The following FKBP9 variants were observed in gnomAD, a reference collection of about 807,000 sequenced individuals.
FKBP9 encodes FKBP prolyl isomerase 9, also known as peptidyl-prolyl cis-trans isomerase FKBP9.
A neutral mutation model predicts 55.6 loss-of-function variants in FKBP9; 27 were observed. The ratio of observed to expected loss-of-function variants is 0.49; its 90% CI spans 0.36 to 0.67. The LOEUF (loss-of-function observed/expected upper bound fraction) is 0.67. FKBP9 is among the 30% of genes least tolerant of loss of function. FKBP9 has a pLI of 0.00. For synonymous variants in FKBP9, 267 were observed against 296.5 expected, an observed-to-expected ratio of 0.90 and a Z score of 1.02; for missense variants, 539 against 742.8, an observed-to-expected ratio of 0.73 and a Z score of 3.19.
intron 1 of FKBP9, among the ~76,000 whole-genome samples, chr7:32,960,108 CTTTTTTTTTTT>C (rs398004304): frequency 1.0e-5 from 1 of 98,630 alleles, no homozygotes; most frequent in Non-Finnish European, 1.9e-5. Flanking sequence ...TTGTACTTGT[CTTTTTTTTTTT>C]TTTTTTTTTT....
chr7:33,001,859 T>A (rs1199470416), intron 8 of FKBP9: 1 of 152,200 alleles, frequency 6.6e-6, no homozygotes, highest in Non-Finnish European at 1.5e-5. Context: ...CAAACTTTTT[T>A]CCACAAGACA....
chr7:32,972,804 C>T (rs1000963391), intron 1 of FKBP9, among the ~76,000 whole-genome samples: 1 of 152,178 alleles, frequency 6.6e-6, no homozygotes, highest in African/African-American at 2.4e-5. Context: ...CTCACTGCAA[C>T]CTTCACCTCC....
intron 5 of FKBP9, 79 bp from the exon 6 acceptor site, chr7:32,988,428 A>G: frequency 1.4e-6 from 2 of 1,443,016 alleles, no homozygotes; most frequent in Non-Finnish European, 1.9e-6. Context: ...GTGCCTTTGC[A>G]TCTCTTTCCC....
chr7:32,959,978 G>A (rs1473920437), intron 1 of FKBP9, among the ~76,000 whole-genome samples: 1 of 151,974 alleles, frequency 6.6e-6, no homozygotes, highest in Non-Finnish European at 1.5e-5. Flanking sequence ...GCGTCCTATG[G>A]CACCTATGTT....
chr7:33,000,026 A>G, intron 7 of FKBP9, 89 bp from the exon 8 acceptor site: 2 of 1,509,906 alleles, frequency 1.3e-6, no homozygotes, highest in Non-Finnish European at 9.2e-7. Context: ...TGGTAGAAAT[A>G]TCCTAGAAGT....
Position 32,988,467 on chromosome 7 carries a change from C to T in FKBP9, c.894-40C>T, listed in dbSNP as rs747814112. On this transcript the variant is annotated intron_variant, in intron 5 of 9. Transcript: ENST00000242209. ...TAATTTGCACAGCTGCTGTGGAGGC[C>T]CTCATGAATGACCTCTTTCTTTCCT... 19 of 1,610,436 alleles carry T rather than the reference C, an allele frequency of 1.2e-5. No homozygotes were observed. In the East Asian group the frequency reaches 3.3e-4, roughly 28 times the overall value.
chr7:32,965,438 GT>G (rs1784114274), intron 1 of FKBP9, among the ~76,000 whole-genome samples: 1 of 151,988 alleles, frequency 6.6e-6, no homozygotes, highest in Non-Finnish European at 1.5e-5. Context: ...CCTGTCATTT[GT>G]CCTTTTAAAA....
Position 32,974,725 on chromosome 7 carries a change from G to A in FKBP9, c.330G>A (p.Lys110=). 3 of 1,613,936 alleles carry A rather than the reference G, an allele frequency of 1.9e-6. No individual in the cohort carries two copies. The highest frequency in any genetic ancestry group is 2.5e-6 in the Non-Finnish European group (3 of 1,179,846). The part of the protein sequence containing the change: ...GMCVNERRFV[K]IPPKLAYGNE... ...GCGTAAACGAGAGACGTTTCGTGAA[G>A]ATTCCCCCAAAGCTTGCCTACGGAA... The change falls in exon 2 of 10, where the codon AAG becomes AAA. Residue 110 remains lysine, a synonymous_variant. Coordinates refer to ENST00000242209, the MANE Select transcript of FKBP9 (RefSeq NM_007270.5).
At chr7:32,968,047 G>A (rs1284590152) in intron 1 of FKBP9, among the ~76,000 whole-genome samples, 3 of 152,136 alleles carry the variant, frequency 2.0e-5, no homozygotes, top group Non-Finnish European at 4.4e-5. Flanking sequence ...GAGCCACCGC[G>A]CCCAGCTTAG....
At chr7:33,001,763 A>T (rs1297684090) in intron 8 of FKBP9, among the ~76,000 whole-genome samples, 7 of 152,124 alleles carry the variant, frequency 4.6e-5, no homozygotes, top group Non-Finnish European at 8.8e-5. Context: ...CATCATCTTC[A>T]GGCATATTGT....
intron 3 of FKBP9, among the ~76,000 whole-genome samples, chr7:32,976,099 C>T (rs1011623831): frequency 6.6e-6 from 1 of 152,176 alleles, no homozygotes; most frequent in African/African-American, 2.4e-5. Flanking sequence ...AATTTCTTCT[C>T]ATTAGAGCGT....
At chr7:32,975,050 A>T in intron 2 of FKBP9, 132 bp from the exon 3 acceptor site, 2 of 729,300 alleles carry the variant, frequency 2.7e-6, no homozygotes, top group East Asian at 5.2e-5. Context: ...AGAATGGGTC[A>T]TTTTGGGATT....
chr7:32,992,771 A>C (rs547743600), intron 6 of FKBP9: 14 of 223,786 alleles, frequency 6.3e-5, no homozygotes, highest in Non-Finnish European at 9.8e-5. Flanking sequence ...GAGTTTCTTC[A>C]TGACCAGGCC....
chr7:32,988,632 G>A lies in FKBP9; in HGVS notation c.1019G>A (p.Gly340Glu). The change falls in exon 6 of 10, where the codon GGG (glycine) becomes GAG (glutamate). Residue 340 changes from glycine (G) to glutamate (E), a missense_variant. Gly to Glu is a moderately conservative substitution (Grantham distance 98). Coordinates refer to ENST00000242209, the MANE Select transcript of FKBP9 (RefSeq NM_007270.5). ...AGGATTGTGGTCCCGCCTCACCTGG[G>A]GTATGGAGAGGAAGGAAGAGGTGAG... Reference protein sequence around the residue: ...KRRIVVPPHLGYGEEGRGNIP... With the variant: ...KRRIVVPPHLEYGEEGRGNIP... 2 of 1,613,916 alleles carry A rather than the reference G, an allele frequency of 1.2e-6. No individual in the cohort carries two copies. Among genetic ancestry groups the A allele is most frequent in the Non-Finnish European group, 8.5e-7 (1 of 1,179,842 alleles).
intron 1 of FKBP9, among the ~76,000 whole-genome samples, chr7:32,966,664 A>G (rs940004743): frequency 1.6e-4 from 24 of 152,140 alleles, no homozygotes; most frequent in African/African-American, 5.8e-4. Context: ...AATTTATAAG[A>G]AAAGAGGTTT....
chr7:32,974,720 G>A lies in FKBP9; in HGVS notation c.325G>A (p.Val109Met), dbSNP rs751853062. The A allele has an allele frequency of 5.1e-5, 82 of 1,613,794 alleles. No individual in the cohort carries two copies. The highest frequency in any genetic ancestry group is 2.0e-4 in the East Asian group (9 of 44,896). Residue 109 changes from valine (V) to methionine (M), a missense_variant, in exon 2 of 10, where the codon GTG (valine) becomes ATG (methionine). Physicochemically the swap from Val to Met is conservative, Grantham distance 21. Coordinates refer to ENST00000242209, the MANE Select transcript of FKBP9 (RefSeq NM_007270.5). ...GATGTGCGTAAACGAGAGACGTTTCGTGAAGATTCCCCCAAAGCTTGCCTA... is the reference window on the plus strand; with the variant it reads ...GATGTGCGTAAACGAGAGACGTTTCATGAAGATTCCCCCAAAGCTTGCCTA... The part of the protein sequence containing the change: ...VGMCVNERRF[V>M]KIPPKLAYGN...
chr7:32,965,447 A>AT (rs1784114428), intron 1 of FKBP9, among the ~76,000 whole-genome samples: 1 of 151,936 alleles, frequency 6.6e-6, no homozygotes, highest in Non-Finnish European at 1.5e-5. Context: ...TGTCCTTTTA[A>AT]AAGCTCGTTC....
At chr7:32,958,681 A>G (rs1165411249) in intron 1 of FKBP9, among the ~76,000 whole-genome samples, 6 of 151,948 alleles carry the variant, frequency 3.9e-5, no homozygotes, top group Non-Finnish European at 7.4e-5. Flanking sequence ...ACAACACGAC[A>G]CCTCTCGTGG....
chr7:32,995,918 G>A (rs1250843966), intron 6 of FKBP9, among the ~76,000 whole-genome samples: 3 of 152,186 alleles, frequency 2.0e-5, no homozygotes, highest in African/African-American at 4.8e-5. Flanking sequence ...AGTCCAAACT[G>A]TGCTCATTAC....
Sources: allele counts gnomAD v4.1 joint callset (sites outside exome capture counted in the v4.1 genomes callset), GRCh38; gene constraint gnomAD v4.1.1; transcripts MANE v1.5; gene names NCBI Gene and HGNC (gene_info 2026-07-23, HGNC 2026-07-21).